MLXIPL: variants seen among roughly 807,000 people sequenced by gnomAD.
MLXIPL encodes carbohydrate-responsive element-binding protein.
In MLXIPL, 49 loss-of-function variants were observed where a neutral mutation model predicts 81.5. The observed-to-expected ratio is 0.60, with a 90% CI of 0.48 to 0.76. MLXIPL has a LOEUF of 0.76. Among genes scored for constraint, MLXIPL ranks in the 30% least tolerant of loss-of-function variants. The pLI is 0.00. For synonymous variants in MLXIPL, 466 were observed against 485.5 expected (o/e 0.96, Z 0.53); for missense variants, 1,053 against 1,167.0 (o/e 0.90, Z 1.42).
intron 2 of MLXIPL, among the ~76,000 whole-genome samples, chr7:73,612,360 G>T (rs934965407): frequency 7.9e-5 from 12 of 151,844 alleles, no homozygotes; most frequent in African/African-American, 2.9e-4. Flanking sequence ...AGTTTGTTAG[G>T]CCAGGCGCGG....
rs191785827 is a variant in MLXIPL, at chr7:73,593,729, C to T, written c.*136G>A. On this transcript the variant is annotated 3_prime_UTR_variant, in exon 17 of 17. Coordinates refer to ENST00000313375, the MANE Select transcript of MLXIPL (RefSeq NM_032951.3). ...GGAGGTGGCAAGTGTGAAACCTGGA[C>T]CCTGCTCCACCCCCCAGGGAAGGGC... The T allele has an allele frequency of 5.0e-6, 4 of 807,690 alleles. No individual in the cohort carries two copies. In the Admixed American group the frequency reaches 5.6e-5, roughly 11 times the overall value. 50.0% of individuals were successfully genotyped at this position (807,690 alleles called of 1,614,324 possible).
At chr7:73,627,949 T>C (rs1225126105), upstream of MLXIPL, among the ~76,000 whole-genome samples, 1 of 151,904 alleles carries the variant, frequency 6.6e-6, no homozygotes, top group Admixed American at 6.6e-5. Context: ...TCACTACCTG[T>C]AAAATTGAGG....
chr7:73,607,553 G>C (rs1303467451), intron 3 of MLXIPL, 37 bp downstream of exon 3: 2 of 1,604,844 alleles, frequency 1.2e-6, no homozygotes, highest in Non-Finnish European at 1.7e-6. Flanking sequence ...TGGGTGGGCA[G>C]GTGGGCAGGT....
chr7:73,640,415 AGAAAAAG>A, the MLXIPL span, among the ~76,000 whole-genome samples: 1 of 147,634 alleles, frequency 6.8e-6, no homozygotes, highest in African/African-American at 2.5e-5. Context: ...AAAAAAAAAA[AGAAAAAG>A]AAAAAAAGAA....
rs1554594330 is a variant in MLXIPL, at chr7:73,596,885, G to C, written c.1651C>G (p.Leu551Val). ...CTTACCGGGGACCCTGGGGACCGGA[G>C]GAGGGTGCTGGATACAAGTGGTGGC... ...LEPPLVSSTL[L>V]RSPGSPQETV... is the part of the protein sequence containing the mutation. Residue 551 changes from leucine (L) to valine (V), a missense_variant, in exon 10 of 17, where the codon CTC becomes GTC. By Grantham distance (32) the Leu-to-Val change is conservative (BLOSUM62 1). Around this residue, in one of 3 missense-constraint regions of MLXIPL, gnomAD observed 823 missense variants for 933.0 expected, o/e 0.88. Coordinates refer to ENST00000313375, the MANE Select transcript of MLXIPL (RefSeq NM_032951.3). This position sits in a 1 kb window ranked among gnomAD's most constrained non-coding sequence, Gnocchi z 4.7. 6.2e-7 allele frequency: 1 copy of C among 1,611,352 alleles called. No homozygotes were observed. The highest frequency in any genetic ancestry group is 2.2e-5 in the East Asian group (1 of 44,862).
intron 15 of MLXIPL, 137 bp downstream of exon 15, chr7:73,595,499 GC>G (rs1160482762): frequency 1.9e-6 from 3 of 1,583,348 alleles, no homozygotes; most frequent in African/African-American, 1.3e-5. Flanking sequence ...GAAGCAGGGG[GC>G]AGAGCCAGAG....
chr7:73,631,920 T>G, the MLXIPL span, among the ~76,000 whole-genome samples: 1 of 99,442 alleles, frequency 1.0e-5, no homozygotes. Context: ...TTCTTTCCCC[T>G]CCCTCCCCTC....
intron 16 of MLXIPL, 87 bp from the exon 17 acceptor site, chr7:73,594,070 G>C (rs1050431787): frequency 2.2e-6 from 3 of 1,392,986 alleles, no homozygotes; most frequent in Non-Finnish European, 2.0e-6. Context: ...ATAGGGGGAG[G>C]TATTAGTTGG....
At position 73,594,290 on chromosome 7, in the gene MLXIPL, C is replaced by T. The variant is rs150156186; in HGVS notation, c.2424G>A (p.Leu808=). Residue 808 remains leucine, a synonymous_variant, in exon 16 of 17, where the codon CTG becomes CTA. Transcript: ENST00000313375. The stretch of plus-strand genomic sequence containing the variant: ...CTCACGTACTTGGCCGGAGAGCGGG[C>T]AGAGAGCAGTACTGGTCCAGCCAGG... ...SLAWLDQYCS[L]PALRPTVLNS... is the part of the protein sequence containing the mutation. The T allele has an allele frequency of 1.1e-5, 17 of 1,612,242 alleles. No individual in the cohort carries two copies. In the African/African-American group the frequency reaches 2.0e-4, roughly 19 times the overall value.
intron 8 of MLXIPL, among the ~76,000 whole-genome samples, chr7:73,598,729 G>A (rs188939856): frequency 2.7e-4 from 41 of 152,216 alleles, no homozygotes; most frequent in African/African-American, 9.2e-4. Context: ...TCTGATGGAG[G>A]AGAGACACCC....
In MLXIPL at chr7:73,624,493, G is replaced by T; in HGVS notation, c.-1C>A. ...CCAGACCTGCCAGCGCGCCGGCCAT[G>T]GCTGTCGCCGCCGCAACCGCCTGGT... On this transcript the variant is annotated 5_prime_UTR_variant, in exon 1 of 17. Transcript: ENST00000313375. 1 of 1,524,858 alleles carries T rather than the reference G, an allele frequency of 6.6e-7. No homozygotes were observed. The highest frequency in any genetic ancestry group is 1.2e-5 in the South Asian group (1 of 82,976). 94.5% of individuals were successfully genotyped at this position (1,524,858 alleles called of 1,614,324 possible).
At chr7:73,602,180 CTCTTTCTTTCA>C (rs1794921870) in intron 7 of MLXIPL, among the ~76,000 whole-genome samples, 1 of 147,984 alleles carries the variant, frequency 6.8e-6, no homozygotes, top group African/African-American at 2.5e-5. Context: ...TTCCCTCTCT[CTCTTTCTTTCA>C]TCTCTCTCTC....
the MLXIPL span, among the ~76,000 whole-genome samples, chr7:73,632,774 C>T: frequency 7.3e-5 from 11 of 150,262 alleles, no homozygotes; most frequent in Admixed American, 1.3e-4. Flanking sequence ...TTCCTTCCTT[C>T]CTTCCTTCCT....
intron 4 of MLXIPL, 58 bp from the exon 5 acceptor site, chr7:73,607,076 C>T (rs1456801756): frequency 3.8e-6 from 6 of 1,586,898 alleles, no homozygotes; most frequent in Non-Finnish European, 5.2e-6. Flanking sequence ...CATCACTTTC[C>T]CCCCAAAGTC....
intron 1 of MLXIPL, among the ~76,000 whole-genome samples, chr7:73,622,589 G>A (rs1455436725): frequency 6.6e-6 from 1 of 151,858 alleles, no homozygotes; most frequent in East Asian, 1.9e-4. Context: ...CCTTGGATGA[G>A]AACCTTGGCC....
At chr7:73,602,110 G>GCCTTCCTTCCTT (rs1280725127) in intron 7 of MLXIPL, among the ~76,000 whole-genome samples, 4 of 71,544 alleles carry the variant, frequency 5.6e-5, no homozygotes, top group African/African-American at 1.1e-4. Context: ...CTGCCTGCCT[G>GCCTTCCTTCCTT]CCTGCCTGCC....
At chr7:73,613,601 A>C (rs1554600211) in intron 2 of MLXIPL, among the ~76,000 whole-genome samples, 1 of 152,204 alleles carries the variant, frequency 6.6e-6, no homozygotes, top group East Asian at 1.9e-4. Flanking sequence ...GTTTCAAAAA[A>C]AAGAAAACCA....
rs1466339563 is a variant in MLXIPL, at chr7:73,600,204, T to A, written c.902-509A>T. 2.0e-5 allele frequency among the ~76,000 whole-genome samples: 3 copies of A among 149,854 alleles called. No individual in the cohort carries two copies. In the East Asian group the frequency reaches 6.0e-4, roughly 30 times the overall value. Reference sequence around the variant, plus strand: ...GAGGTCACTGGGTCCGGGACAAGCTTGGTTTGTTGGAAGGTCAACAGGTGG... The same window carrying A: ...GAGGTCACTGGGTCCGGGACAAGCTAGGTTTGTTGGAAGGTCAACAGGTGG... On this transcript the variant is annotated intron_variant, in intron 7 of 16. Coordinates refer to ENST00000313375, the MANE Select transcript of MLXIPL (RefSeq NM_032951.3).
intron 2 of MLXIPL, among the ~76,000 whole-genome samples, chr7:73,614,813 T>C (rs1157100276): frequency 6.8e-6 from 1 of 147,970 alleles, no homozygotes; most frequent in East Asian, 2.0e-4. Context: ...TTTGCCCTTT[T>C]TTTTTTTTTT....
Sources: allele counts gnomAD v4.1 joint callset (sites outside exome capture counted in the v4.1 genomes callset), GRCh38; gene constraint gnomAD v4.1.1; regional missense constraint gnomAD v4.1.1; non-coding constraint Gnocchi (gnomAD v3.1); transcripts MANE v1.5; gene names NCBI Gene and HGNC (gene_info 2026-07-23, HGNC 2026-07-21).